Variants in ANO4 observed in about 807,000 individuals in gnomAD.
The protein encoded by ANO4 is anoctamin-4.
Under a neutral mutation model 141.9 loss-of-function variants are expected in ANO4, and 69 were observed. The observed-to-expected ratio is 0.49, with a 90% CI of 0.40 to 0.59. ANO4 has a LOEUF of 0.59. Ranked by LOEUF, ANO4 falls within the 20% of genes least tolerant of loss-of-function variation. The pLI is 0.00. For synonymous variants in ANO4, 350 were observed against 394.3 expected, an observed-to-expected ratio of 0.89 and a Z score of 1.33; for missense variants, 894 against 1,162.2, an observed-to-expected ratio of 0.77 and a Z score of 3.36.
At chr12:100,918,606 G>A (rs1209071088) in intron 2 of ANO4, among the ~76,000 whole-genome samples, 2 of 152,296 alleles carry the variant, frequency 1.3e-5, no homozygotes, top group East Asian at 3.9e-4. Flanking sequence ...TGTTGCAGGT[G>A]TTGTAATGTC....
intron 3 of ANO4, among the ~76,000 whole-genome samples, chr12:100,781,778 C>T (rs2033718692): frequency 6.6e-6 from 1 of 152,158 alleles, no homozygotes; most frequent in Non-Finnish European, 1.5e-5. Flanking sequence ...ATAAAAAAGA[C>T]AGCATTTAAT....
chr12:100,999,186 C>T (rs1418433397), intron 8 of ANO4, among the ~76,000 whole-genome samples: 1 of 152,218 alleles, frequency 6.6e-6, no homozygotes, highest in African/African-American at 2.4e-5. Context: ...TAGGGTGCAA[C>T]ATGGGTGACA....
chr12:100,851,713 G>T, intron 1 of ANO4, among the ~76,000 whole-genome samples: 1 of 152,148 alleles, frequency 6.6e-6, no homozygotes, highest in East Asian at 1.9e-4. Context: ...ATGCAGAGAA[G>T]CAAAGTGAAT....
chr12:100,911,686 A>G (rs1387421078), intron 2 of ANO4, among the ~76,000 whole-genome samples: 1 of 152,106 alleles, frequency 6.6e-6, no homozygotes, highest in Middle Eastern at 3.2e-3. Flanking sequence ...CAAATTAGGG[A>G]ACAGACTGTC....
In ANO4 at chr12:100,974,734, T is replaced by C. The variant is rs1157264161; in HGVS notation, c.558-111T>C. 6 of 1,189,032 alleles carry C rather than the reference T, an allele frequency of 5.0e-6. No individual in the cohort carries two copies. The Admixed American group carries it at 6.7e-5, about 13-fold the overall frequency. The allele number at this position is 1,189,032 out of a possible 1,614,324, so 73.7% of individuals were successfully genotyped here. The stretch of plus-strand genomic sequence containing the variant: ...TTAATCTCTTTTTAGTTTTTTCTTC[T>C]TCACCTCTTACAGGCTTCTATCTTC... On this transcript the variant is annotated intron_variant, in intron 6 of 27. Coordinates refer to ENST00000392977, the MANE Select transcript of ANO4 (RefSeq NM_001286615.2).
chr12:101,038,124 T>C (rs1270459460), intron 10 of ANO4, among the ~76,000 whole-genome samples: 1 of 152,214 alleles, frequency 6.6e-6, no homozygotes, highest in Non-Finnish European at 1.5e-5. Context: ...GAAGCTGCCA[T>C]CTGAAACTCT....
chr12:101,115,645 A>G (rs1390530773), intron 24 of ANO4, among the ~76,000 whole-genome samples: 1 of 152,208 alleles, frequency 6.6e-6, no homozygotes, highest in African/African-American at 2.4e-5. Flanking sequence ...CAGTAAGTGC[A>G]TGTGTTAACC....
chr12:100,737,125 A>G (rs2031650450), intron 2 of ANO4, among the ~76,000 whole-genome samples: 1 of 152,176 alleles, frequency 6.6e-6, no homozygotes, highest in Non-Finnish European at 1.5e-5. Context: ...CCTGGCTCAA[A>G]TTGGCTGAAA....
At chr12:100,874,970 CA>C (rs1355761779) in intron 1 of ANO4, among the ~76,000 whole-genome samples, 2 of 152,156 alleles carry the variant, frequency 1.3e-5, no homozygotes, top group Non-Finnish European at 2.9e-5. Context: ...TTTGATTTTA[CA>C]GGCTCCTAGG....
intron 2 of ANO4, among the ~76,000 whole-genome samples, chr12:100,912,869 T>A (rs780894052): frequency 5.9e-5 from 9 of 152,236 alleles, no homozygotes; most frequent in Non-Finnish European, 1.3e-4. Context: ...TGAAGGTGAA[T>A]GTGGTGCCTT....
At chr12:101,004,893 A>G (rs546256760) in intron 8 of ANO4, among the ~76,000 whole-genome samples, 8 of 152,198 alleles carry the variant, frequency 5.3e-5, no homozygotes, top group African/African-American at 1.7e-4. Flanking sequence ...TGGAGGGCCA[A>G]AAAAGAGCAA....
intron 1 of ANO4, among the ~76,000 whole-genome samples, chr12:100,839,498 A>G (rs2037124524): frequency 1.3e-5 from 2 of 152,332 alleles, no homozygotes; most frequent in South Asian, 4.1e-4. Context: ...GCACATTTTA[A>G]TAAAGATAAA....
At chr12:100,884,046 T>C (rs930884772) in intron 1 of ANO4, among the ~76,000 whole-genome samples, 2 of 152,204 alleles carry the variant, frequency 1.3e-5, no homozygotes, top group Admixed American at 1.3e-4. Context: ...TCAAATCACA[T>C]AAATAACATA....
chr12:100,801,128 A>G (rs753970004), intron 1 of ANO4, among the ~76,000 whole-genome samples: 1 of 140,432 alleles, frequency 7.1e-6, no homozygotes, highest in Non-Finnish European at 1.5e-5. Flanking sequence ...TCTCTCTCAA[A>G]CAGACTTTTT....
Position 100,974,733 on chromosome 12 carries a change from C to T in ANO4, c.558-112C>T. 3 of 1,176,594 alleles carry T rather than the reference C, an allele frequency of 2.5e-6. No individual in the cohort carries two copies. In the South Asian group the frequency reaches 3.7e-5, roughly 14 times the overall value. 72.9% of individuals were successfully genotyped at this position (1,176,594 alleles called of 1,614,324 possible). On this transcript the variant is annotated intron_variant, in intron 6 of 27. Transcript: ENST00000392977. ...GTTAATCTCTTTTTAGTTTTTTCTT[C>T]TTCACCTCTTACAGGCTTCTATCTT... is the stretch of plus-strand genomic sequence containing the variant.
At chr12:100,991,300 A>G (rs2045090694) in intron 8 of ANO4, among the ~76,000 whole-genome samples, 1 of 152,198 alleles carries the variant, frequency 6.6e-6, no homozygotes, top group Non-Finnish European at 1.5e-5. Flanking sequence ...TGAGAGTGAC[A>G]TTAATGGATT....
chr12:100,762,621 C>A (rs775807279), intron 3 of ANO4, among the ~76,000 whole-genome samples: 1 of 152,184 alleles, frequency 6.6e-6, no homozygotes, highest in Non-Finnish European at 1.5e-5. Flanking sequence ...ATCTTCAACA[C>A]TAGATGATAC....
chr12:100,786,233 C>G (rs926386229), intron 3 of ANO4, among the ~76,000 whole-genome samples: 1 of 152,170 alleles, frequency 6.6e-6, no homozygotes, highest in South Asian at 2.1e-4. Flanking sequence ...GAATTTAACC[C>G]GACCAAGGGG....
At chr12:101,007,379 A>G (rs1473508248) in intron 8 of ANO4, among the ~76,000 whole-genome samples, 3 of 152,170 alleles carry the variant, frequency 2.0e-5, no homozygotes, top group African/African-American at 7.2e-5. Context: ...TTTTTAAGTG[A>G]CAAATAGATG....
Sources: gnomAD v4.1 joint callset for allele counts (sites outside exome capture counted in the v4.1 genomes callset) on GRCh38, gnomAD v4.1.1 for gene constraint, MANE v1.5 for transcripts, NCBI Gene and HGNC (gene_info 2026-07-23, HGNC 2026-07-21) for gene names.